ZFHX4: variants seen among roughly 807,000 people sequenced by gnomAD.
ZFHX4 encodes the protein zinc finger homeobox protein 4.
Under a neutral mutation model 267.6 loss-of-function variants are expected in ZFHX4, and 56 were observed. The observed-to-expected ratio is 0.21, with a 90% CI of 0.17 to 0.26. The LOEUF (loss-of-function observed/expected upper bound fraction) is 0.26, where lower values mean the gene tolerates loss of function less well. Ranked by LOEUF, ZFHX4 falls within the 10% of genes least tolerant of loss-of-function variation. ZFHX4 has a pLI of 1.00. For missense variants in ZFHX4, 4,332 were observed against 4,420.0 expected, an observed-to-expected ratio of 0.98 and a Z score of 0.56; for synonymous variants, 1,778 against 1,665.6, an observed-to-expected ratio of 1.07 and a Z score of -1.64.
At position 76,864,480 on chromosome 8, in the gene ZFHX4, A is replaced by G. The variant is rs937752628; in HGVS notation, c.10766A>G (p.Asp3589Gly). ...SELSQKLEDL[D>G]NSLEVKAKPA... Reference sequence around the variant, plus strand: ...CTGAGCCAGAAGCTAGAAGACTTAGATAATTCTTTGGAAGTGAAGGCTAAG... The same window carrying G: ...CTGAGCCAGAAGCTAGAAGACTTAGGTAATTCTTTGGAAGTGAAGGCTAAG... The change falls in exon 11 of 11, where the codon GAT becomes GGT. Residue 3589 changes from aspartate (D) to glycine (G), a missense_variant. By Grantham distance (94) the Asp-to-Gly change is moderately conservative (BLOSUM62 -1). This residue lies in a region of ZFHX4 where 1,648 missense variants were observed against 1,625.0 expected (regional missense o/e 1.01). Transcript: ENST00000651372. The G allele has an allele frequency of 6.2e-7, 1 of 1,613,572 alleles. No individual in the cohort carries two copies. The highest frequency in any genetic ancestry group is 1.3e-5 in the African/African-American group (1 of 74,904).
chr8:76,727,646 C>G (rs1808887888), intron 3 of ZFHX4, among the ~76,000 whole-genome samples: 1 of 152,126 alleles, frequency 6.6e-6, no homozygotes, highest in Non-Finnish European at 1.5e-5. Context: ...AGTAGTCTAC[C>G]ATAAAACATA....
In ZFHX4 at chr8:76,704,371, T is replaced by C. The variant is rs552320655; in HGVS notation, c.283T>C (p.Tyr95His). ...CACTTCTTTTCCCAGTTTACAGAAATACATGGAACACCACTGCCCTAATGC... is the reference window on the plus strand; with the variant it reads ...CACTTCTTTTCCCAGTTTACAGAAACACATGGAACACCACTGCCCTAATGC... ...CATSFPSLQK[Y>H]MEHHCPNARL... Residue 95 changes from tyrosine (Y) to histidine (H), a missense_variant, in exon 2 of 11, where the codon TAC becomes CAC. By Grantham distance (83) the Tyr-to-His change is moderately conservative (BLOSUM62 2). Coordinates refer to ENST00000651372, the MANE Select transcript of ZFHX4 (RefSeq NM_024721.5). The C allele has an allele frequency of 7.9e-5, 127 of 1,613,904 alleles. 3 individuals carry two copies. In the South Asian group the frequency reaches 1.4e-3, roughly 18 times the overall value.
chr8:76,740,404 T>TGG (rs756046812), intron 3 of ZFHX4, among the ~76,000 whole-genome samples: 127 of 152,004 alleles, frequency 8.4e-4, no homozygotes, highest in Non-Finnish European at 1.4e-3. Context: ...ATACACTGCT[T>TGG]GGGAGATGGG....
In ZFHX4 at chr8:76,747,897, A is replaced by G. The variant is rs190698560; in HGVS notation, c.3094-30311A>G. Among the ~76,000 whole-genome samples the G allele has an allele frequency of 5.3e-3, 808 of 152,204 alleles. 10 individuals carry two copies. The highest frequency in any genetic ancestry group is 0.017 in the African/African-American group (716 of 41,532). Reference sequence around the variant, plus strand: ...CAGTGAGCCGAGATTGCGTCACTGCACTTCCAGCCTGGGCAACAGAGCGAG... The same window carrying G: ...CAGTGAGCCGAGATTGCGTCACTGCGCTTCCAGCCTGGGCAACAGAGCGAG... On this transcript the variant is annotated intron_variant, in intron 3 of 10. Transcript: ENST00000651372.
intron 4 of ZFHX4, among the ~76,000 whole-genome samples, chr8:76,823,548 C>T (rs1332749176): frequency 3.3e-5 from 5 of 152,140 alleles, no homozygotes; most frequent in African/African-American, 1.2e-4. Flanking sequence ...TTTTCCTTTC[C>T]AGATTTCTTT....
intron 4 of ZFHX4, among the ~76,000 whole-genome samples, chr8:76,787,948 A>G (rs951071482): frequency 1.3e-5 from 2 of 152,156 alleles, no homozygotes; most frequent in African/African-American, 2.4e-5. Context: ...GCCCACTACT[A>G]TTTAAGTACT....
chr8:76,758,504 G>GT lies in ZFHX4; in HGVS notation c.3094-19696dup, dbSNP rs1364238711. Among the ~76,000 whole-genome samples the GT allele has an allele frequency of 9.2e-5, 14 of 151,584 alleles. No homozygotes were observed. In the East Asian group the frequency reaches 1.6e-3, roughly 17 times the overall value. ...AGTTTTTTTGTTTGTTTGTTTGTTT[G>GT]TTTTTTTTGAGACAATGTCTTACTT... On this transcript the variant is annotated intron_variant, in intron 3 of 10. Transcript: ENST00000651372.
In ZFHX4 at chr8:76,717,974, C is replaced by A. The variant is rs545675921; in HGVS notation, c.3093+9926C>A. Among the ~76,000 whole-genome samples the A allele has an allele frequency of 5.1e-4, 77 of 152,254 alleles. 1 individual carries two copies. The highest frequency in any genetic ancestry group is 1.8e-3 in the African/African-American group (73 of 41,544). On this transcript the variant is annotated intron_variant, in intron 3 of 10. Transcript: ENST00000651372. ...TATTTCTAACTATTCGTTTGGCAGG[C>A]CTGAGAATAACACTAGCATATGTCC...
intron 4 of ZFHX4, among the ~76,000 whole-genome samples, chr8:76,796,909 T>G (rs1442623286): frequency 6.6e-6 from 1 of 152,202 alleles, no homozygotes; most frequent in African/African-American, 2.4e-5. Flanking sequence ...ACAGGTTCCT[T>G]GAATGATTTC....
chr8:76,830,466 A>T (rs1286731859), intron 4 of ZFHX4, among the ~76,000 whole-genome samples: 1 of 152,234 alleles, frequency 6.6e-6, no homozygotes, highest in Non-Finnish European at 1.5e-5. Flanking sequence ...CCAGTTATTA[A>T]AGTGACATAT....
chr8:76,782,100 A>ATTTTTTTTTTTTTT (rs77420241), intron 4 of ZFHX4: 13 of 236,764 alleles, frequency 5.5e-5, no homozygotes, highest in Non-Finnish European at 6.4e-5. Flanking sequence ...TCAGTTAAGA[A>ATTTTTTTTTTTTTT]TTTTTTTTTT....
At position 76,835,237 on chromosome 8, in the gene ZFHX4, A is replaced by ATG. The variant is rs1364337572; in HGVS notation, c.3394+1832_3394+1833insGT. 7.3e-4 allele frequency among the ~76,000 whole-genome samples: 84 copies of ATG among 115,212 alleles called. 1 individual carries two copies. Among genetic ancestry groups the ATG allele is most frequent in the African/African-American group, 3.1e-3 (71 of 22,954 alleles). 75.6% of individuals were successfully genotyped at this position (115,212 alleles called of 152,430 possible). ...TATATATGTATATATATATATATAT[A>ATG]TATGTATATATATATATATATATTC... On this transcript the variant is annotated intron_variant, in intron 5 of 10. Coordinates refer to ENST00000651372, the MANE Select transcript of ZFHX4 (RefSeq NM_024721.5).
At chr8:76,822,730 C>T (rs181993593) in intron 4 of ZFHX4, among the ~76,000 whole-genome samples, 32 of 152,108 alleles carry the variant, frequency 2.1e-4, no homozygotes, top group Admixed American at 1.9e-3. Flanking sequence ...CATGAGGCAC[C>T]ACTCCCAGCT....
chr8:76,829,111 T>C (rs952739482), intron 4 of ZFHX4, among the ~76,000 whole-genome samples: 1 of 152,134 alleles, frequency 6.6e-6, no homozygotes, highest in Non-Finnish European at 1.5e-5. Flanking sequence ...ATTTTGCCCA[T>C]GGCTGTTGCA....
At chr8:76,698,043 A>C (rs1213897313) in intron 1 of ZFHX4, among the ~76,000 whole-genome samples, 1 of 152,132 alleles carries the variant, frequency 6.6e-6, no homozygotes, top group Non-Finnish European at 1.5e-5. Context: ...TGAAGCAATC[A>C]CTACAAAGCC....
intron 4 of ZFHX4, among the ~76,000 whole-genome samples, chr8:76,800,749 C>G (rs1411151008): frequency 6.6e-6 from 1 of 152,132 alleles, no homozygotes; most frequent in Non-Finnish European, 1.5e-5. Flanking sequence ...CTTAAGTGCA[C>G]TGTTTATAGA....
intron 3 of ZFHX4, among the ~76,000 whole-genome samples, chr8:76,758,957 T>C (rs1809837503): frequency 6.6e-6 from 1 of 152,112 alleles, no homozygotes; most frequent in Admixed American, 6.5e-5. Context: ...ATTTTGAAAA[T>C]AAATAGAAAA....
intron 4 of ZFHX4, among the ~76,000 whole-genome samples, chr8:76,823,161 C>T (rs62516842): frequency 4.0e-5 from 6 of 148,502 alleles, no homozygotes; most frequent in African/African-American, 1.5e-4. Flanking sequence ...AGTGAGACAC[C>T]TCTTCCTCTA....
At chr8:76,829,287 C>T (rs1320105249) in intron 4 of ZFHX4, among the ~76,000 whole-genome samples, 2 of 104,046 alleles carry the variant, frequency 1.9e-5, no homozygotes, top group Admixed American at 1.5e-4. Flanking sequence ...GGGCGGGGGG[C>T]GGGTAGGAGC....
Sources: allele counts gnomAD v4.1 joint callset (sites outside exome capture counted in the v4.1 genomes callset), GRCh38; gene constraint gnomAD v4.1.1; regional missense constraint gnomAD v4.1.1; transcripts MANE v1.5; gene names NCBI Gene and HGNC (gene_info 2026-07-23, HGNC 2026-07-21).